ARHGAP6: variants seen among roughly 807,000 people sequenced by gnomAD.
ARHGAP6 encodes rho GTPase-activating protein 6.
ARHGAP6 carries 16 observed loss-of-function variants against 55.7 expected under a neutral mutation model. That is an observed-to-expected ratio of 0.29 (90% CI 0.19 to 0.44). ARHGAP6 has a LOEUF of 0.44. ARHGAP6 is among the 20% of genes least tolerant of loss of function. The probability of loss-of-function intolerance (pLI) is 1.00; values close to 1 mark genes in which losing one functional copy is unlikely to be tolerated. For synonymous variants in ARHGAP6, 382 were observed against 360.9 expected (o/e 1.06, Z -0.66); for missense variants, 698 against 808.9 (o/e 0.86, Z 1.66).
chrX:11,296,688 C>T, intron 1 of ARHGAP6: 1 of 992,502 alleles, frequency 1.0e-6, no homozygotes, highest in South Asian at 2.0e-5. Flanking sequence ...TGAACAATTG[C>T]ATACTGACTT....
At chrX:11,260,609 T>C (rs974417898) in intron 1 of ARHGAP6, among the ~76,000 whole-genome samples, 4 of 112,219 alleles carry the variant, frequency 3.6e-5, no homozygotes, top group African/African-American at 9.7e-5. Flanking sequence ...ACTTTTGCCA[T>C]TGTAGGGCAA....
chrX:11,485,373 A>T (rs1214112480), intron 1 of ARHGAP6, among the ~76,000 whole-genome samples: 1 of 112,378 alleles, frequency 8.9e-6, no homozygotes, highest in Non-Finnish European at 1.9e-5. Flanking sequence ...TATGCAAGGC[A>T]CAAGGTGTTT....
chrX:11,590,024 C>T (rs1479055870), intron 1 of ARHGAP6, among the ~76,000 whole-genome samples: 1 of 111,329 alleles, frequency 9.0e-6, no homozygotes, highest in Non-Finnish European at 1.9e-5. Flanking sequence ...GAACTTGAGA[C>T]AGAAGTGATT....
At chrX:11,167,335 A>ATGTGTG (rs1052279159) in intron 9 of ARHGAP6, among the ~76,000 whole-genome samples, 1 of 109,228 alleles carries the variant, frequency 9.2e-6, no homozygotes, top group East Asian at 2.8e-4. Context: ...GGGAGTGATG[A>ATGTGTG]TGTGTGTGTG....
chrX:11,572,134 T>C (rs1180692353), intron 1 of ARHGAP6, among the ~76,000 whole-genome samples: 1 of 111,901 alleles, frequency 8.9e-6, no homozygotes, highest in African/African-American at 3.2e-5. Context: ...AAACTATTTG[T>C]ACTATCAGGA....
At chrX:11,435,220 T>C (rs2049976484) in intron 1 of ARHGAP6, among the ~76,000 whole-genome samples, 1 of 112,084 alleles carries the variant, frequency 8.9e-6, no homozygotes, top group Non-Finnish European at 1.9e-5. Context: ...GTACCAAGGT[T>C]AAGAAACCCT....
At chrX:11,420,981 A>G (rs971377678) in intron 1 of ARHGAP6, among the ~76,000 whole-genome samples, 1 of 112,059 alleles carries the variant, frequency 8.9e-6, no homozygotes, top group Non-Finnish European at 1.9e-5. Context: ...GAGAGAGAAG[A>G]CAGTAAACAT....
At chrX:11,429,529 A>T (rs1048880615) in intron 1 of ARHGAP6, among the ~76,000 whole-genome samples, 9 of 112,391 alleles carry the variant, frequency 8.0e-5, no homozygotes, top group Non-Finnish European at 1.3e-4. Context: ...AATAAAAATA[A>T]ATTTAAAATC....
intron 10 of ARHGAP6, among the ~76,000 whole-genome samples, chrX:11,155,544 C>T (rs1029034202): frequency 1.6e-4 from 18 of 111,676 alleles, no homozygotes; most frequent in Admixed American, 1.5e-3. Context: ...AGGTGATCTG[C>T]CCGCCTCGGC....
intron 1 of ARHGAP6, among the ~76,000 whole-genome samples, chrX:11,444,808 A>G (rs949082590): frequency 8.9e-6 from 1 of 112,325 alleles, no homozygotes; most frequent in East Asian, 2.8e-4. Flanking sequence ...CACAATGCAA[A>G]TGTCCACTCG....
rs917296286 is a variant in ARHGAP6 at position 11,427,466 on chromosome X, G to A, written c.589-172759C>T. 4.6e-5 allele frequency: 42 copies of A among 905,065 alleles called. No homozygotes were observed. The East Asian group carries it at 7.5e-4, about 16-fold the overall frequency. The allele number at this position is 905,065 out of a possible 1,213,427, so 74.6% of individuals were successfully genotyped here. A position where few individuals can be genotyped will look rare whatever the true frequency, so the allele number is the denominator to read the frequency against. ...CAGCCGTGGACCTGTGGGGAGCCCC[G>A]ACTACCATCGCCCCTCGCAGTCCCC... On this transcript the variant is annotated intron_variant, in intron 1 of 12. Coordinates refer to ENST00000337414, the MANE Select transcript of ARHGAP6 (RefSeq NM_013427.3).
intron 1 of ARHGAP6, among the ~76,000 whole-genome samples, chrX:11,641,259 C>A (rs756957613): frequency 9.0e-6 from 1 of 111,514 alleles, no homozygotes; most frequent in East Asian, 2.8e-4. Context: ...TTAACAGTAA[C>A]AAGGATTTGC....
At chrX:11,559,735 G>A (rs957114866) in intron 1 of ARHGAP6, among the ~76,000 whole-genome samples, 1 of 109,513 alleles carries the variant, frequency 9.1e-6, no homozygotes, top group Non-Finnish European at 1.9e-5. Flanking sequence ...AGACCATCCC[G>A]GCTAACACGG....
At chrX:11,188,602 G>C in intron 4 of ARHGAP6, 126 bp downstream of exon 4, 1 of 975,103 alleles carries the variant, frequency 1.0e-6, no homozygotes, top group Non-Finnish European at 1.4e-6. Flanking sequence ...TTCATTAATG[G>C]CATTGTTGAC....
At chrX:11,241,560 G>A (rs1253776684) in intron 2 of ARHGAP6, among the ~76,000 whole-genome samples, 1 of 104,459 alleles carries the variant, frequency 9.6e-6, no homozygotes, top group Non-Finnish European at 2.0e-5. Flanking sequence ...GTGTGTGTGT[G>A]TGTGTGTGTG....
chrX:11,608,758 G>T (rs994876112), intron 1 of ARHGAP6, among the ~76,000 whole-genome samples: 6 of 111,649 alleles, frequency 5.4e-5, no homozygotes, highest in South Asian at 3.8e-4. Flanking sequence ...TTATCAGGGG[G>T]TTCCGCTTTT....
At chrX:11,191,502 T>A (rs1161662716) in intron 3 of ARHGAP6, among the ~76,000 whole-genome samples, 1 of 112,128 alleles carries the variant, frequency 8.9e-6, no homozygotes, top group Non-Finnish European at 1.9e-5. Flanking sequence ...TCTTTTTTTC[T>A]ACTAGATATT....
chrX:11,390,982 C>A (rs1050234267), intron 1 of ARHGAP6, among the ~76,000 whole-genome samples: 3 of 111,832 alleles, frequency 2.7e-5, no homozygotes, highest in African/African-American at 6.5e-5. Context: ...CCAAAGGATT[C>A]TAAATCATGC....
At position 11,161,396 on chromosome X, in the gene ARHGAP6, C is replaced by A. The variant is rs2045942168; in HGVS notation, c.1810-4770G>T. Among the ~76,000 whole-genome samples, 3 of 106,060 alleles carry A rather than the reference C, an allele frequency of 2.8e-5. No homozygotes were observed. In the South Asian group the frequency reaches 1.2e-3, roughly 43 times the overall value. 92.1% of individuals were successfully genotyped at this position (106,060 alleles called of 115,157 possible). On this transcript the variant is annotated intron_variant, in intron 9 of 12. Transcript: ENST00000337414. ...TAGGTAGACCACTGACTTAAGCATA[C>A]CTTTTCAGGAATTAGGATGCTGTAA...
Sources: allele counts gnomAD v4.1 joint callset (sites outside exome capture counted in the v4.1 genomes callset), GRCh38; gene constraint gnomAD v4.1.1; transcripts MANE v1.5; gene names NCBI Gene and HGNC (gene_info 2026-07-23, HGNC 2026-07-21).